The following RPL28 variants were observed in gnomAD, a reference collection of about 807,000 sequenced individuals.
RPL28 encodes large ribosomal subunit protein eL28.
In RPL28, 4 loss-of-function variants were observed where a neutral mutation model predicts 12.5. The ratio of observed to expected loss-of-function variants is 0.32; its 90% confidence interval spans 0.16 to 0.73. RPL28 has a LOEUF of 0.73. RPL28 is among the 30% of genes least tolerant of loss of function. The pLI is 0.66. For missense variants in RPL28, 214 were observed against 197.7 expected (o/e 1.08, Z -0.49); for synonymous variants, 91 against 72.5 (o/e 1.26, Z -1.30).
In RPL28 at chr19:55,389,941, A is replaced by G; in HGVS notation, c.*1609A>G. On this transcript the variant is annotated 3_prime_UTR_variant, in exon 5 of 5. Coordinates refer to ENST00000344063, the MANE Select transcript of RPL28 (RefSeq NM_000991.5). ...CTCAGGCCCATCTCTGGCTGGCCTC[A>G]CTGCGCTGGGACTCCGCCTTCATAA... is the stretch of plus-strand genomic sequence containing the variant. The G allele has an allele frequency of 1.0e-6, 1 of 985,474 alleles. No individual in the cohort carries two copies. Among genetic ancestry groups the G allele is most frequent in the Non-Finnish European group, 1.2e-6 (1 of 829,972 alleles). The allele number at this position is 985,474 out of a possible 1,614,324, so 61.0% of individuals were successfully genotyped here.
At position 55,392,003 on chromosome 19, in the gene RPL28, CTGTT is replaced by C. The variant is rs1444114813; in HGVS notation, c.*3674_*3677del. ...TCCTCAGCTGCATTTCCAGCCCAGG[CTGTT>C]TGGCGCTGCCCAGGAATGGTATCAA... On this transcript the variant is annotated 3_prime_UTR_variant, in exon 5 of 5. Coordinates refer to ENST00000344063, the MANE Select transcript of RPL28 (RefSeq NM_000991.5). The C allele has an allele frequency of 3.3e-5, 37 of 1,116,694 alleles. No homozygotes were observed. The highest frequency in any genetic ancestry group is 3.8e-5 in the Non-Finnish European group (35 of 912,932). The allele number at this position is 1,116,694 out of a possible 1,614,324, so 69.2% of individuals were successfully genotyped here.
At chr19:55,394,638 C>G (rs985379531), downstream of RPL28, among the ~76,000 whole-genome samples, 1 of 151,918 alleles carries the variant, frequency 6.6e-6, no homozygotes, top group African/African-American at 2.4e-5. Flanking sequence ...GTGGCAAGAT[C>G]AAGGCTCTCT....
In RPL28 at chr19:55,402,941, A is replaced by T. The variant is rs1299668112; in HGVS notation, c.325-2A>T. On this transcript the variant is annotated splice_acceptor_variant, in intron 4 of 4. Coordinates refer to the RPL28 transcript ENST00000560055. LOFTEE classifies it high-confidence loss of function. ...AATTTGGTTAACTTTTTTTTTTTTC[A>T]GCTTGCGGGAAGGGTTGGGAGGCAG... 5 of 1,510,068 alleles carry T rather than the reference A, an allele frequency of 3.3e-6. No homozygotes were observed. The Admixed American group carries it at 6.8e-5, about 20-fold the overall frequency. The allele number at this position is 1,510,068 out of a possible 1,614,324, so 93.5% of individuals were successfully genotyped here.
chr19:55,402,908 T>C, intron 4 of RPL28: 2 of 1,515,142 alleles, frequency 1.3e-6, no homozygotes, highest in Non-Finnish European at 1.8e-6. Context: ...CCCCAGGGAC[T>C]CATTAGAAAT....
chr19:55,386,348 A>C lies in RPL28; in HGVS notation c.-8-2A>C, dbSNP rs1336582861. 1 of 1,613,532 alleles carries C rather than the reference A, an allele frequency of 6.2e-7. No individual in the cohort carries two copies. Among genetic ancestry groups the C allele is most frequent in the Admixed American group, 1.7e-5 (1 of 59,974 alleles). ...GCTTTCCCTGTGCCCGTTTCCCCGC[A>C]GCCGCCGCCATGTCTGCGCATCTGC... On this transcript the variant is annotated splice_acceptor_variant, in intron 1 of 4. Transcript: ENST00000344063. LOFTEE classifies it low-confidence loss of function (5UTR_SPLICE).
Position 55,385,956 on chromosome 19 carries a change from G to A in RPL28, c.-18G>A. The A allele has an allele frequency of 4.1e-6, 1 of 245,160 alleles. No individual in the cohort carries two copies. The highest frequency in any genetic ancestry group is 9.8e-5 in the East Asian group (1 of 10,186). 15.2% of individuals were successfully genotyped at this position (245,160 alleles called of 1,614,324 possible). A position where few individuals can be genotyped will look rare whatever the true frequency, so the allele number is the denominator to read the frequency against. On this transcript the variant is annotated 5_prime_UTR_variant, in exon 1 of 5. Coordinates refer to ENST00000344063, the MANE Select transcript of RPL28 (RefSeq NM_000991.5). ...CCTCTTTCCGTCTCAGGTCGCCGCT[G>A]CGAAGGGAGGTGAGCGTTCGTCTTC...
Position 55,391,486 on chromosome 19 carries a change from A to G in RPL28, c.*3154A>G, listed in dbSNP as rs1348336277. 1.4e-6 allele frequency: 2 copies of G among 1,390,482 alleles called. No individual in the cohort carries two copies. The highest frequency in any genetic ancestry group is 1.9e-6 in the Non-Finnish European group (2 of 1,060,260). 86.1% of individuals were successfully genotyped at this position (1,390,482 alleles called of 1,614,324 possible). On this transcript the variant is annotated 3_prime_UTR_variant, in exon 5 of 5. Coordinates refer to ENST00000344063, the MANE Select transcript of RPL28 (RefSeq NM_000991.5). Reference sequence around the variant, plus strand: ...AAGGCTGCCAAGCCCAAAGTTGTGCAGAGCGCTGGGGACTCCAGACTCCCC... The same window carrying G: ...AAGGCTGCCAAGCCCAAAGTTGTGCGGAGCGCTGGGGACTCCAGACTCCCC...
Position 55,390,522 on chromosome 19 carries a change from G to A in RPL28, c.*2190G>A, listed in dbSNP as rs1160587013. The A allele has an allele frequency of 1.0e-6, 1 of 985,360 alleles. No homozygotes were observed. The highest frequency in any genetic ancestry group is 1.7e-5 in the African/African-American group (1 of 57,220). 61.0% of individuals were successfully genotyped at this position (985,360 alleles called of 1,614,324 possible). On this transcript the variant is annotated 3_prime_UTR_variant, in exon 5 of 5. Transcript: ENST00000344063. Reference sequence around the variant, plus strand: ...CTGATGTGGCTGCTGCTGCTCAGAAGGCCTTGTCCTTAACCACCTCCTTGC... The same window carrying A: ...CTGATGTGGCTGCTGCTGCTCAGAAAGCCTTGTCCTTAACCACCTCCTTGC...
intron 4 of RPL28, among the ~76,000 whole-genome samples, chr19:55,399,042 C>T (rs2090039686): frequency 6.6e-6 from 1 of 152,132 alleles, no homozygotes; most frequent in South Asian, 2.1e-4. Flanking sequence ...GGCTGGAGTG[C>T]AGTGGTACGA....
At position 55,390,856 on chromosome 19, in the gene RPL28, C is replaced by G. The variant is rs983741583; in HGVS notation, c.*2524C>G. ...AGTGTGCTGAGCAAACGTGGAGACA[C>G]CATTTCCCTCCTCTAGACCTCATCT... is the stretch of plus-strand genomic sequence containing the variant. On this transcript the variant is annotated 3_prime_UTR_variant, in exon 5 of 5. Transcript: ENST00000344063. The G allele has an allele frequency of 1.0e-6, 1 of 985,382 alleles. No individual in the cohort carries two copies. The highest frequency in any genetic ancestry group is 1.2e-6 in the Non-Finnish European group (1 of 829,910). The allele number at this position is 985,382 out of a possible 1,614,324, so 61.0% of individuals were successfully genotyped here.
chr19:55,391,997 C>T lies in RPL28; in HGVS notation c.*3665C>T, dbSNP rs1002991099. 2.6e-5 allele frequency: 29 copies of T among 1,131,086 alleles called. No individual in the cohort carries two copies. The African/African-American group carries it at 4.7e-4, about 18-fold the overall frequency. 70.1% of individuals were successfully genotyped at this position (1,131,086 alleles called of 1,614,324 possible). On this transcript the variant is annotated 3_prime_UTR_variant, in exon 5 of 5. Transcript: ENST00000344063. ...ATTCTGTCCTCAGCTGCATTTCCAGCCCAGGCTGTTTGGCGCTGCCCAGGA... is the reference window on the plus strand; with the variant it reads ...ATTCTGTCCTCAGCTGCATTTCCAGTCCAGGCTGTTTGGCGCTGCCCAGGA...
chr19:55,390,391 G>A lies in RPL28; in HGVS notation c.*2059G>A. 1 of 859,330 alleles carries A rather than the reference G, an allele frequency of 1.2e-6. No homozygotes were observed. The highest frequency in any genetic ancestry group is 1.4e-6 in the Non-Finnish European group (1 of 715,114). The allele number at this position is 859,330 out of a possible 1,614,324, so 53.2% of individuals were successfully genotyped here. On this transcript the variant is annotated 3_prime_UTR_variant, in exon 5 of 5. Coordinates refer to ENST00000344063, the MANE Select transcript of RPL28 (RefSeq NM_000991.5). ...AGCTCAGTATTGTATTTTTAGCAGA[G>A]ATGGGGTTTCACCATTTTGCCCAGG...
downstream of RPL28, among the ~76,000 whole-genome samples, chr19:55,393,453 T>TA (rs1481216460): frequency 6.6e-6 from 1 of 151,982 alleles, no homozygotes; most frequent in Non-Finnish European, 1.5e-5. Context: ...TCACGTAACA[T>TA]AAAGTCCACG....
intron 4 of RPL28, among the ~76,000 whole-genome samples, chr19:55,398,673 T>C (rs1006412035): frequency 6.6e-6 from 1 of 152,182 alleles, no homozygotes; most frequent in African/African-American, 2.4e-5. Flanking sequence ...TTGTAGGAAC[T>C]CTTTATACAT....
rs1346643539 is a variant in RPL28, at chr19:55,391,782, G to T, written c.*3450G>T. ...TGACTTTTTATAAATATTTTGATCA[G>T]ATGGACTCATGATCACAGATGTCTT... On this transcript the variant is annotated 3_prime_UTR_variant, in exon 5 of 5. Transcript: ENST00000344063. The T allele has an allele frequency of 1.5e-6, 2 of 1,325,888 alleles. No individual in the cohort carries two copies. The allele number at this position is 1,325,888 out of a possible 1,614,324, so 82.1% of individuals were successfully genotyped here.
chr19:55,401,055 C>T (rs1435095738), intron 4 of RPL28: 3 of 243,412 alleles, frequency 1.2e-5, no homozygotes, highest in Non-Finnish European at 2.4e-5. Context: ...AGGTCCTCGC[C>T]CCATTTTAGA....
intron 4 of RPL28, chr19:55,402,921 G>T (rs1362613668): frequency 6.6e-7 from 1 of 1,524,506 alleles, no homozygotes; most frequent in Non-Finnish European, 8.8e-7. Context: ...TTAGAAATTT[G>T]GTTAACTTTT....
chr19:55,400,584 T>G (rs1321968382), intron 4 of RPL28: 4 of 152,206 alleles, frequency 2.6e-5, no homozygotes, highest in Non-Finnish European at 4.4e-5. Flanking sequence ...AGGGGCAGCT[T>G]CTTGGAGCTA....
chr19:55,403,328 A>G (rs1485789119), downstream of RPL28: 1 of 530,056 alleles, frequency 1.9e-6, no homozygotes, highest in Admixed American at 3.5e-5. Context: ...GCAAACCATA[A>G]AAATATAAAA....
Sources: gnomAD v4.1 joint callset for allele counts (sites outside exome capture counted in the v4.1 genomes callset) on GRCh38, gnomAD v4.1.1 for gene constraint, MANE v1.5 for transcripts, NCBI Gene and HGNC (gene_info 2026-07-23, HGNC 2026-07-21) for gene names.